Variants in TEAD4 observed in about 807,000 individuals in gnomAD.
TEAD4 encodes the protein TEA domain transcription factor 4, also known as transcriptional enhancer factor TEF-3.
In TEAD4, 36 loss-of-function variants were observed where a neutral mutation model predicts 52.4. The observed-to-expected ratio is 0.69, with a 90% CI of 0.53 to 0.91. The LOEUF (loss-of-function observed/expected upper bound fraction) is 0.91. Among genes scored for constraint, TEAD4 ranks in the 40% least tolerant of loss-of-function variants. TEAD4 has a pLI of 0.00. For synonymous variants in TEAD4, 220 were observed against 231.0 expected, an observed-to-expected ratio of 0.95 and a Z score of 0.43; for missense variants, 508 against 583.9, an observed-to-expected ratio of 0.87 and a Z score of 1.34.
rs945171229 is a variant in TEAD4 at position 3,017,541 on chromosome 12, G to A, written c.483+15G>A. The A allele has an allele frequency of 5.0e-6, 8 of 1,608,010 alleles. No individual in the cohort carries two copies. Among genetic ancestry groups the A allele is most frequent in the Admixed American group, 3.4e-5 (2 of 59,074 alleles). On this transcript the variant is annotated intron_variant, in intron 6 of 12. Coordinates refer to ENST00000359864, the MANE Select transcript of TEAD4 (RefSeq NM_003213.4). ...CAGTCTCAGGGGTAAGTGGGCTGCCGAGAGCTGGAGGCCAGGCCAGCCCTC... is the reference window on the plus strand; with the variant it reads ...CAGTCTCAGGGGTAAGTGGGCTGCCAAGAGCTGGAGGCCAGGCCAGCCCTC...
chr12:2,984,079 G>A (rs534548036), intron 2 of TEAD4, among the ~76,000 whole-genome samples: 1 of 152,328 alleles, frequency 6.6e-6, no homozygotes, highest in African/African-American at 2.4e-5. Context: ...CACCAGGAGT[G>A]GAGAAAGAGC....
At chr12:3,032,985 G>T (rs1055277462) in intron 10 of TEAD4, among the ~76,000 whole-genome samples, 1 of 152,212 alleles carries the variant, frequency 6.6e-6, no homozygotes, top group Non-Finnish European at 1.5e-5. Context: ...CCCTCCATCA[G>T]CTGGTGTGAA....
chr12:2,982,053 G>C (rs1002933409), intron 2 of TEAD4, among the ~76,000 whole-genome samples: 3 of 152,114 alleles, frequency 2.0e-5, no homozygotes, highest in Non-Finnish European at 4.4e-5. Flanking sequence ...AGATGGATCG[G>C]ACTAGGGAGA....
chr12:2,986,981 G>A (rs1415269757), intron 2 of TEAD4, among the ~76,000 whole-genome samples: 1 of 152,174 alleles, frequency 6.6e-6, no homozygotes, highest in Non-Finnish European at 1.5e-5. Context: ...GCATGACTGC[G>A]TTCCTAGCTT....
At chr12:3,029,815 A>G (rs926868606) in intron 10 of TEAD4, among the ~76,000 whole-genome samples, 1 of 152,220 alleles carries the variant, frequency 6.6e-6, no homozygotes, top group African/African-American at 2.4e-5. Context: ...CGTGCAAGGT[A>G]GGACTTGTCA....
At chr12:3,021,191 C>T (rs1346013541) in intron 9 of TEAD4, among the ~76,000 whole-genome samples, 1 of 152,200 alleles carries the variant, frequency 6.6e-6, no homozygotes, top group Non-Finnish European at 1.5e-5. Context: ...AGCCTGTCCC[C>T]TTCGGTGTCC....
chr12:2,964,135 G>T (rs548888348), intron 2 of TEAD4, among the ~76,000 whole-genome samples: 14 of 152,322 alleles, frequency 9.2e-5, no homozygotes, highest in African/African-American at 2.2e-4. Flanking sequence ...CGTTGACTCA[G>T]TGTGAAGCTA....
chr12:2,971,857 G>A (rs1021494134), intron 2 of TEAD4, among the ~76,000 whole-genome samples: 6 of 139,078 alleles, frequency 4.3e-5, no homozygotes, highest in African/African-American at 1.6e-4. Context: ...CTATCACCCA[G>A]GCTGGAGTGC....
At chr12:2,967,460 T>C (rs1413427730) in intron 2 of TEAD4, among the ~76,000 whole-genome samples, 1 of 152,208 alleles carries the variant, frequency 6.6e-6, no homozygotes, top group Non-Finnish European at 1.5e-5. Flanking sequence ...TTGTTTTTAG[T>C]TTTTAGCTTT....
At chr12:2,982,662 G>A (rs183427807) in intron 2 of TEAD4, among the ~76,000 whole-genome samples, 13 of 152,298 alleles carry the variant, frequency 8.5e-5, no homozygotes, top group African/African-American at 2.2e-4. Context: ...CGCCAGTGAC[G>A]GCTGTGAACC....
At chr12:2,986,389 G>A (rs932780522) in intron 2 of TEAD4, among the ~76,000 whole-genome samples, 4 of 152,002 alleles carry the variant, frequency 2.6e-5, no homozygotes, top group African/African-American at 9.7e-5. Flanking sequence ...TGCAATCCCA[G>A]TCCTTTGGGA....
chr12:3,033,450 G>A (rs1307024583), intron 10 of TEAD4, among the ~76,000 whole-genome samples: 1 of 152,232 alleles, frequency 6.6e-6, no homozygotes, highest in Non-Finnish European at 1.5e-5. Flanking sequence ...GGTGAGAGGG[G>A]GCCTTTGGTG....
chr12:2,962,329 T>TATATAAATATATAA (rs1246495846), intron 2 of TEAD4, among the ~76,000 whole-genome samples: 2 of 93,248 alleles, frequency 2.1e-5, no homozygotes, highest in Non-Finnish European at 3.8e-5. Context: ...TATATATAAA[T>TATATAAATATATAA]ATAAATATAT....
chr12:2,967,774 GT>G (rs992282578), intron 2 of TEAD4, among the ~76,000 whole-genome samples: 6 of 152,098 alleles, frequency 3.9e-5, no homozygotes, highest in African/African-American at 1.4e-4. Flanking sequence ...GTTTGTTTTT[GT>G]TTTGTTTTTC....
At chr12:3,012,378 T>A in intron 5 of TEAD4, 146 bp downstream of exon 5, 1 of 825,530 alleles carries the variant, frequency 1.2e-6, no homozygotes, top group Non-Finnish European at 1.9e-6. Context: ...GCCTGTAACC[T>A]CTCTCCCATC....
At chr12:3,009,140 C>T (rs529039540) in intron 3 of TEAD4, among the ~76,000 whole-genome samples, 44 of 152,326 alleles carry the variant, frequency 2.9e-4, no homozygotes, top group African/African-American at 9.9e-4. Flanking sequence ...TAAGAAGAGA[C>T]GGCTGGGCTG....
chr12:3,037,386 G>A (rs747535304), intron 10 of TEAD4, among the ~76,000 whole-genome samples: 1 of 152,174 alleles, frequency 6.6e-6, no homozygotes, highest in Non-Finnish European at 1.5e-5. Context: ...ACCCAGCAGT[G>A]CCTAGAGGGG....
intron 3 of TEAD4, among the ~76,000 whole-genome samples, chr12:3,000,262 C>T (rs552286052): frequency 6.6e-6 from 1 of 152,330 alleles, no homozygotes; most frequent in Non-Finnish European, 1.5e-5. Context: ...TTGTCTTGGT[C>T]TGTTTTCTGT....
intron 2 of TEAD4, among the ~76,000 whole-genome samples, chr12:2,961,453 G>T (rs888994863): frequency 6.6e-6 from 1 of 152,084 alleles, no homozygotes; most frequent in African/African-American, 2.4e-5. Flanking sequence ...TGAGGATGTG[G>T]ATGTTCTTGT....
Sources: gnomAD v4.1 joint callset for allele counts (sites outside exome capture counted in the v4.1 genomes callset) on GRCh38, gnomAD v4.1.1 for gene constraint, MANE v1.5 for transcripts, NCBI Gene and HGNC (gene_info 2026-07-23, HGNC 2026-07-21) for gene names.